YIPF4: variants seen among roughly 807,000 people sequenced by gnomAD.
The protein encoded by YIPF4 is Yip1 domain family member 4.
In YIPF4, 18 loss-of-function variants were observed where a neutral mutation model predicts 29.4. The ratio of observed to expected loss-of-function variants is 0.61; its 90% confidence interval spans 0.42 to 0.91. The LOEUF (loss-of-function observed/expected upper bound fraction) is 0.91, where lower values mean the gene tolerates loss of function less well. YIPF4 is among the 40% of genes least tolerant of loss of function. YIPF4 has a pLI of 0.00. For synonymous variants in YIPF4, 115 were observed against 104.7 expected (o/e 1.10, Z -0.60); for missense variants, 279 against 282.7 (o/e 0.99, Z 0.09).
chr2:32,301,352 A>T (rs763746302), intron 4 of YIPF4, 30 bp from the exon 5 acceptor site: 2 of 1,367,326 alleles, frequency 1.5e-6, no homozygotes, highest in Non-Finnish European at 2.1e-6. Flanking sequence ...GATTTCAATG[A>T]TATTTATTTG....
At chr2:32,280,063 C>G (rs1478194444) in intron 1 of YIPF4, among the ~76,000 whole-genome samples, 1 of 150,464 alleles carries the variant, frequency 6.6e-6, no homozygotes, top group Non-Finnish European at 1.5e-5. Flanking sequence ...TTCTGGGTGG[C>G]TTATTCTCTT....
At chr2:32,300,148 C>T (rs1395984496) in intron 4 of YIPF4, among the ~76,000 whole-genome samples, 1 of 152,156 alleles carries the variant, frequency 6.6e-6, no homozygotes, top group Non-Finnish European at 1.5e-5. Context: ...TGCCTGCAAT[C>T]CCAGCTACTC....
At chr2:32,302,951 CCCTGGTTCTGCCACTTA>C (rs551697425) in intron 5 of YIPF4, among the ~76,000 whole-genome samples, 119 of 152,306 alleles carry the variant, frequency 7.8e-4, no homozygotes, top group Non-Finnish European at 1.6e-3. Context: ...TAAATTCAAA[CCCTGGTTCTGCCACTTA>C]CTTGCTGTCT....
chr2:32,278,659 T>G (rs574338996), intron 1 of YIPF4, among the ~76,000 whole-genome samples: 164 of 151,824 alleles, frequency 1.1e-3, no homozygotes, highest in Non-Finnish European at 1.4e-3. Flanking sequence ...GATAATTTTT[T>G]GGGGGGGGTC....
chr2:32,304,331 A>G (rs538989071), intron 5 of YIPF4, among the ~76,000 whole-genome samples: 4 of 152,158 alleles, frequency 2.6e-5, no homozygotes, highest in Admixed American at 1.3e-4. Flanking sequence ...AAATCTAATC[A>G]TGAAATACAA....
At position 32,292,268 on chromosome 2, in the gene YIPF4, G is replaced by C. The variant is rs2030951413; in HGVS notation, c.325G>C (p.Val109Leu). 1 of 1,606,130 alleles carries C rather than the reference G, an allele frequency of 6.2e-7. No individual in the cohort carries two copies. The highest frequency in any genetic ancestry group is 8.5e-7 in the Non-Finnish European group (1 of 1,175,632). Residue 109 changes from valine (V) to leucine (L), a missense_variant, in exon 3 of 6, where the codon GTG (valine) becomes CTG (leucine). Physicochemically the swap from Val to Leu is conservative, Grantham distance 32 (BLOSUM62 1). Coordinates refer to ENST00000238831, the MANE Select transcript of YIPF4 (RefSeq NM_032312.4). ...ATCACTTGGTTTTAATAGACAAGTG[G>C]TGAGAGACAATCCTGACTTTTGGGG... ...MPSLGFNRQV[V>L]RDNPDFWGPL...
chr2:32,307,003 G>C lies in YIPF4; in HGVS notation c.*1377G>C. The C allele has an allele frequency of 1.3e-6, 1 of 765,316 alleles. No homozygotes were observed. The highest frequency in any genetic ancestry group is 1.8e-6 in the Non-Finnish European group (1 of 545,304). The allele number at this position is 765,316 out of a possible 1,614,324, so 47.4% of individuals were successfully genotyped here. On this transcript the variant is annotated 3_prime_UTR_variant, in exon 6 of 6. Coordinates refer to ENST00000238831, the MANE Select transcript of YIPF4 (RefSeq NM_032312.4). Reference sequence around the variant, plus strand: ...GTCTTCCTTTCCCCTAATCCCAAAAGGAAAGAAAGAAAAACTTATTTTAAG... The same window carrying C: ...GTCTTCCTTTCCCCTAATCCCAAAACGAAAGAAAGAAAAACTTATTTTAAG...
At position 32,301,828 on chromosome 2, in the gene YIPF4, T is replaced by C. The variant is rs572001834; in HGVS notation, c.597+333T>C. Among the ~76,000 whole-genome samples, 238 of 152,038 alleles carry C rather than the reference T, an allele frequency of 1.6e-3. 1 individual carries two copies. The highest frequency in any genetic ancestry group is 4.9e-3 in the African/African-American group (204 of 41,484). On this transcript the variant is annotated intron_variant, in intron 5 of 5. Transcript: ENST00000238831. The stretch of plus-strand genomic sequence containing the variant: ...TCATGTGATTCTCCTGCCTCAGCCT[T>C]CCTAGTAGCTGGGACTACATGTGTG...
Position 32,312,304 on chromosome 2 carries a change from C to G in YIPF4, c.*6678C>G, listed in dbSNP as rs1448983013. 1.3e-5 allele frequency: 2 copies of G among 151,332 alleles called. No homozygotes were observed. The highest frequency in any genetic ancestry group is 3.9e-4 in the East Asian group (2 of 5,072). The allele number at this position is 151,332 out of a possible 1,614,324, so 9.4% of individuals were successfully genotyped here. A position where few individuals can be genotyped will look rare whatever the true frequency, so the allele number is the denominator to read the frequency against. On this transcript the variant is annotated 3_prime_UTR_variant, in exon 6 of 6. Coordinates refer to ENST00000238831, the MANE Select transcript of YIPF4 (RefSeq NM_032312.4). ...GAGATCGAGACCATCCTGGCTAACA[C>G]GGTGAAACCCTGACTCTACTAAAAA... is the stretch of plus-strand genomic sequence containing the variant.
intron 1 of YIPF4, among the ~76,000 whole-genome samples, chr2:32,280,547 T>A (rs2030356709): frequency 6.7e-6 from 1 of 148,916 alleles, no homozygotes; most frequent in South Asian, 2.1e-4. Flanking sequence ...CGCGGCTAAT[T>A]TTTTTTTTGT....
At position 32,305,514 on chromosome 2, in the gene YIPF4, A is replaced by C. The variant is rs147443636; in HGVS notation, c.623A>C (p.Tyr208Ser). 1 of 1,606,770 alleles carries C rather than the reference A, an allele frequency of 6.2e-7. No homozygotes were observed. Among genetic ancestry groups the C allele is most frequent in the Admixed American group, 1.7e-5 (1 of 59,204 alleles). Residue 208 changes from tyrosine to serine, a missense_variant, in exon 6 of 6, where the codon TAC becomes TCC. Tyr to Ser is a moderately radical substitution (Grantham distance 144). Coordinates refer to ENST00000238831, the MANE Select transcript of YIPF4 (RefSeq NM_032312.4). ...IKLFGVFWAA[Y>S]SAASLLVGEE... is the part of the protein sequence containing the mutation. Reference sequence around the variant, plus strand: ...CTGTTTGGTGTGTTTTGGGCTGCCTACAGTGCTGCTTCATTGTTAGTGGGT... The same window carrying C: ...CTGTTTGGTGTGTTTTGGGCTGCCTCCAGTGCTGCTTCATTGTTAGTGGGT...
chr2:32,304,871 C>CTATAG (rs1324991550), intron 5 of YIPF4, among the ~76,000 whole-genome samples: 7 of 152,118 alleles, frequency 4.6e-5, no homozygotes, highest in Non-Finnish European at 2.9e-5. Flanking sequence ...GATCCAAAAA[C>CTATAG]TATAGTATAC....
At chr2:32,294,135 C>G (rs2031062742) in intron 3 of YIPF4, among the ~76,000 whole-genome samples, 1 of 151,586 alleles carries the variant, frequency 6.6e-6, no homozygotes, top group Non-Finnish European at 1.5e-5. Context: ...CCCCCACTTC[C>G]CTCCCAGACG....
At position 32,305,816 on chromosome 2, in the gene YIPF4, T is replaced by C. The variant is rs2031562529; in HGVS notation, c.*190T>C. 16 of 1,216,710 alleles carry C rather than the reference T, an allele frequency of 1.3e-5. No individual in the cohort carries two copies. Among genetic ancestry groups the C allele is most frequent in the Non-Finnish European group, 1.4e-5 (14 of 979,036 alleles). 75.4% of individuals were successfully genotyped at this position (1,216,710 alleles called of 1,614,324 possible). A position where few individuals can be genotyped will look rare whatever the true frequency, so the allele number is the denominator to read the frequency against. ...AAGCAATTGCAGTTATCTGGGATTTTTGGGTCAGAATTTTAAATTCTGTTT... is the reference window on the plus strand; with the variant it reads ...AAGCAATTGCAGTTATCTGGGATTTCTGGGTCAGAATTTTAAATTCTGTTT... On this transcript the variant is annotated 3_prime_UTR_variant, in exon 6 of 6. Transcript: ENST00000238831.
chr2:32,291,110 A>C (rs1223721702), intron 2 of YIPF4, among the ~76,000 whole-genome samples: 2 of 152,246 alleles, frequency 1.3e-5, no homozygotes, highest in Non-Finnish European at 1.5e-5. Context: ...TCTGGAGAAA[A>C]AAGTAAAGAA....
At position 32,291,300 on chromosome 2, in the gene YIPF4, C is replaced by T. The variant is rs981359344; in HGVS notation, c.233+664C>T. On this transcript the variant is annotated intron_variant, in intron 2 of 5. Transcript: ENST00000238831. The stretch of plus-strand genomic sequence containing the variant: ...CAGTAATCCCGGCACTTTGGGAGGC[C>T]GAGGTGGGCGAATCACTTGAGATTA... Among the ~76,000 whole-genome samples, 15 of 152,240 alleles carry T rather than the reference C, an allele frequency of 9.9e-5. No homozygotes were observed. The East Asian group carries it at 1.9e-3, about 20-fold the overall frequency.
chr2:32,307,243 A>T lies in YIPF4; in HGVS notation c.*1617A>T, dbSNP rs2031610076. 2 of 773,262 alleles carry T rather than the reference A, an allele frequency of 2.6e-6. No individual in the cohort carries two copies. The highest frequency in any genetic ancestry group is 4.2e-5 in the South Asian group (2 of 47,444). The allele number at this position is 773,262 out of a possible 1,614,324, so 47.9% of individuals were successfully genotyped here. Reference sequence around the variant, plus strand: ...AAATTGCTGAGGTTAATACTTTGTTATAATGGATTATAATATTTGACATTC... The same window carrying T: ...AAATTGCTGAGGTTAATACTTTGTTTTAATGGATTATAATATTTGACATTC... On this transcript the variant is annotated 3_prime_UTR_variant, in exon 6 of 6. Transcript: ENST00000238831.
intron 1 of YIPF4, among the ~76,000 whole-genome samples, chr2:32,281,700 C>G (rs930704757): frequency 6.6e-6 from 1 of 151,680 alleles, no homozygotes; most frequent in Non-Finnish European, 1.5e-5. Flanking sequence ...CCAGCCTGGG[C>G]AACATGGCAA....
At chr2:32,289,955 A>G (rs2030840595) in intron 1 of YIPF4, among the ~76,000 whole-genome samples, 1 of 152,196 alleles carries the variant, frequency 6.6e-6, no homozygotes, top group Non-Finnish European at 1.5e-5. Context: ...CACTTAGCAT[A>G]GATATGTGAT....
Sources: allele counts gnomAD v4.1 joint callset (sites outside exome capture counted in the v4.1 genomes callset), GRCh38; gene constraint gnomAD v4.1.1; transcripts MANE v1.5; gene names NCBI Gene and HGNC (gene_info 2026-07-23, HGNC 2026-07-21).